The following PLD1 variants were observed in gnomAD, a reference collection of about 807,000 sequenced individuals.
The protein encoded by PLD1 is phospholipase D1, also known as choline phosphatase 1.
A neutral mutation model predicts 137.1 loss-of-function variants in PLD1; 112 were observed. That is an observed-to-expected ratio of 0.82 (90% CI 0.70 to 0.96). PLD1 has a LOEUF of 0.96. PLD1 is among the 40% of genes least tolerant of loss of function. The pLI is 0.00. For synonymous variants in PLD1, 431 were observed against 454.7 expected (o/e 0.95, Z 0.66); for missense variants, 1,321 against 1,342.0 (o/e 0.98, Z 0.24).
rs962936490 is a variant in PLD1 at position 171,621,988 on chromosome 3, T to TA, written c.2594-1469dup. ...TTTGTTTCTCATCCTTTCACAGTGC[T>TA]AAAAAAAGCTAAATAAATGTATGAG... is the stretch of plus-strand genomic sequence containing the variant. On this transcript the variant is annotated intron_variant, in intron 23 of 26. Transcript: ENST00000351298. 2.8e-4 allele frequency among the ~76,000 whole-genome samples: 43 copies of TA among 152,148 alleles called. 1 individual carries two copies. Among genetic ancestry groups the TA allele is most frequent in the African/African-American group, 8.0e-4 (33 of 41,442 alleles).
intron 1 of PLD1, among the ~76,000 whole-genome samples, chr3:171,803,122 G>A (rs1723708506): frequency 6.6e-6 from 1 of 152,200 alleles, no homozygotes; most frequent in African/African-American, 2.4e-5. Context: ...GAGAAGGAGG[G>A]AAGGCCAGCT....
Position 171,688,759 on chromosome 3 carries a change from T to C in PLD1, c.1456A>G (p.Arg486Gly). Residue 486 changes from arginine (R) to glycine (G), a missense_variant, in exon 14 of 27, where the codon AGG becomes GGG. Arg to Gly is a moderately radical substitution (Grantham distance 125, BLOSUM62 -2). Transcript: ENST00000351298. ...FVGGIDLAYG[R>G]WDDNEHRLTD... is the part of the protein sequence containing the mutation. Reference sequence around the variant, plus strand: ...AGTCTGTGCTCATTGTCGTCCCACCTTCCATAGGCCAGGTCAATCCCTCCC... The same window carrying C: ...AGTCTGTGCTCATTGTCGTCCCACCCTCCATAGGCCAGGTCAATCCCTCCC... The C allele has an allele frequency of 6.2e-7, 1 of 1,614,182 alleles. No homozygotes were observed. The highest frequency in any genetic ancestry group is 2.2e-5 in the East Asian group (1 of 44,888).
Position 171,687,513 on chromosome 3 carries a change from G to A in PLD1, c.1611C>T (p.Ile537=). The A allele has an allele frequency of 6.2e-7, 1 of 1,613,882 alleles. No individual in the cohort carries two copies. Among genetic ancestry groups the A allele is most frequent in the South Asian group, 1.1e-5 (1 of 91,072 alleles). Residue 537 remains isoleucine (I), a synonymous_variant, in exon 15 of 27, where the codon ATC becomes ATT. Coordinates refer to ENST00000351298, the MANE Select transcript of PLD1 (RefSeq NM_002662.5). ...AATCCACATCATCAATACTCTTCTG[G>A]ATGGGTAGGTTTTGAACAGGCTCAT... ...DKNEPVQNLP[I]QKSIDDVDSK... is the part of the protein sequence containing the mutation.
In PLD1 at chr3:171,734,919, A is replaced by T; in HGVS notation, c.486T>A (p.Ser162Arg). Residue 162 changes from serine (S) to arginine (R), a missense_variant, in exon 5 of 27, where the codon AGT (serine) becomes AGA (arginine). Coordinates refer to ENST00000351298, the MANE Select transcript of PLD1 (RefSeq NM_002662.5). The stretch of plus-strand genomic sequence containing the variant: ...TCATGTTTTCAGATGAACGGGGCAA[A>T]CTGGGCATCTCTCGAGGCTCCTCTC... Reference protein sequence around the residue: ...NVREEPREMPSLPRSSENMIR... With the variant: ...NVREEPREMPRLPRSSENMIR... The T allele has an allele frequency of 1.9e-6, 3 of 1,613,738 alleles. No homozygotes were observed. The highest frequency in any genetic ancestry group is 2.5e-6 in the Non-Finnish European group (3 of 1,179,640).
chr3:171,724,692 C>G lies in PLD1; in HGVS notation c.758+4G>C. Reference sequence around the variant, plus strand: ...ACAAATACACAAAACTCACTAATTCCTACCTTTTTGACCATCTGTAGCAGG... The same window carrying G: ...ACAAATACACAAAACTCACTAATTCGTACCTTTTTGACCATCTGTAGCAGG... On this transcript the variant is annotated splice_donor_region_variant and intron_variant, in intron 8 of 26. Coordinates refer to ENST00000351298, the MANE Select transcript of PLD1 (RefSeq NM_002662.5). 1 of 1,572,394 alleles carries G rather than the reference C, an allele frequency of 6.4e-7. No homozygotes were observed. The highest frequency in any genetic ancestry group is 8.8e-7 in the Non-Finnish European group (1 of 1,142,340).
At chr3:171,662,313 T>C in intron 19 of PLD1, 143 bp from the exon 20 acceptor site, 1 of 562,060 alleles carries the variant, frequency 1.8e-6, no homozygotes, top group Non-Finnish European at 3.2e-6. Flanking sequence ...CAAAGGAGAG[T>C]AGTGGGGTGG....
At chr3:171,760,534 T>C (rs1319932186) in intron 1 of PLD1, among the ~76,000 whole-genome samples, 1 of 152,152 alleles carries the variant, frequency 6.6e-6, no homozygotes, top group Non-Finnish European at 1.5e-5. Flanking sequence ...TAAAATAACC[T>C]AGGATTTTAC....
intron 25 of PLD1, among the ~76,000 whole-genome samples, chr3:171,610,156 A>G (rs1732537653): frequency 6.6e-6 from 1 of 152,206 alleles, no homozygotes; most frequent in Non-Finnish European, 1.5e-5. Flanking sequence ...ACAATAAAGA[A>G]GGTGAACAAG....
chr3:171,746,180 C>T lies in PLD1; in HGVS notation c.-31-8098G>A, dbSNP rs373998646. On this transcript the variant is annotated intron_variant, in intron 1 of 26. Coordinates refer to ENST00000351298, the MANE Select transcript of PLD1 (RefSeq NM_002662.5). The stretch of plus-strand genomic sequence containing the variant: ...CGAGCCCCTCCCCTCCGCGGGCTCC[C>T]GCACAGCCGGAGCCTCCACGGGCAC... 1.2e-4 allele frequency among the ~76,000 whole-genome samples: 19 copies of T among 152,336 alleles called. No individual in the cohort carries two copies. The East Asian group carries it at 3.5e-3, about 28-fold the overall frequency.
rs1458317405 is a variant in PLD1 at position 171,694,183 on chromosome 3, G to A, written c.1228-1741C>T. Among the ~76,000 whole-genome samples the A allele has an allele frequency of 5.3e-5, 8 of 151,940 alleles. No homozygotes were observed. The Middle Eastern group carries it at 0.017, about 323-fold the overall frequency. ...GAGGTGCACACTAGATTTACATTCT[G>A]GTGTGCATTAACAAGATTTGAGTAC... On this transcript the variant is annotated intron_variant, in intron 12 of 26. Transcript: ENST00000351298.
intron 1 of PLD1, among the ~76,000 whole-genome samples, chr3:171,739,868 C>A (rs562989029): frequency 5.9e-5 from 9 of 152,312 alleles, no homozygotes; most frequent in Non-Finnish European, 1.3e-4. Flanking sequence ...CGACCTTTAT[C>A]TTGCTCTCTA....
chr3:171,747,017 C>T (rs1031979299), intron 1 of PLD1, among the ~76,000 whole-genome samples: 8 of 152,172 alleles, frequency 5.3e-5, no homozygotes, highest in African/African-American at 1.7e-4. Context: ...AGCAAGACCA[C>T]GAACCCACCC....
intron 19 of PLD1, among the ~76,000 whole-genome samples, chr3:171,671,967 A>C (rs1712812034): frequency 6.6e-6 from 1 of 150,720 alleles, no homozygotes; most frequent in African/African-American, 2.4e-5. Flanking sequence ...CTAGGACAGC[A>C]CTCCAGGTGT....
intron 1 of PLD1, chr3:171,789,730 C>T (rs1560304500): frequency 6.6e-6 from 1 of 152,156 alleles, no homozygotes; most frequent in African/African-American, 2.4e-5. Flanking sequence ...AAGCAGAAAA[C>T]AAAACAAAAC....
chr3:171,683,459 C>T (rs926803689), intron 16 of PLD1, among the ~76,000 whole-genome samples: 2 of 152,144 alleles, frequency 1.3e-5, no homozygotes, highest in Non-Finnish European at 2.9e-5. Context: ...TCACTACAGC[C>T]GTATTCCTGG....
At chr3:171,798,278 G>C (rs1290096547) in intron 1 of PLD1, among the ~76,000 whole-genome samples, 1 of 152,198 alleles carries the variant, frequency 6.6e-6, no homozygotes, top group East Asian at 1.9e-4. Flanking sequence ...ACAGAGCAAA[G>C]GGTCTAGAGA....
chr3:171,752,760 TAGAA>T (rs984521237), intron 1 of PLD1, among the ~76,000 whole-genome samples: 4 of 152,228 alleles, frequency 2.6e-5, no homozygotes, highest in African/African-American at 9.7e-5. Flanking sequence ...GTATGTGTCT[TAGAA>T]AGAATAGAAA....
intron 1 of PLD1, among the ~76,000 whole-genome samples, chr3:171,751,191 C>T (rs1720632721): frequency 1.3e-5 from 2 of 152,026 alleles, no homozygotes; most frequent in African/African-American, 4.8e-5. Flanking sequence ...ATATGAACAA[C>T]AAATATTTTT....
chr3:171,640,476 C>T (rs763236787), intron 23 of PLD1, among the ~76,000 whole-genome samples: 14 of 152,148 alleles, frequency 9.2e-5, no homozygotes, highest in Non-Finnish European at 1.9e-4. Context: ...GAATTCCCAA[C>T]ATTTCCTTTT....
Sources: allele counts gnomAD v4.1 joint callset (sites outside exome capture counted in the v4.1 genomes callset), GRCh38; gene constraint gnomAD v4.1.1; transcripts MANE v1.5; gene names NCBI Gene and HGNC (gene_info 2026-07-23, HGNC 2026-07-21).